LRRC66: variants seen among roughly 807,000 people sequenced by gnomAD.
The protein encoded by LRRC66 is leucine-rich repeat-containing protein 66.
A neutral mutation model predicts 24.6 loss-of-function variants in LRRC66; 29 were observed. The observed-to-expected ratio is 1.18, with a 90% CI of 0.88 to 1.61. LRRC66 has a LOEUF of 1.61. Among genes scored for constraint, LRRC66 ranks in the 40% most tolerant of loss-of-function variants. The pLI is 0.00. For synonymous variants in LRRC66, 411 were observed against 397.6 expected, an observed-to-expected ratio of 1.03 and a Z score of -0.40; for missense variants, 1,124 against 1,058.0, an observed-to-expected ratio of 1.06 and a Z score of -0.87.
At position 51,995,342 on chromosome 4, in the gene LRRC66, G is replaced by A; in HGVS notation, c.1680C>T (p.Gly560=). The A allele has an allele frequency of 6.2e-7, 1 of 1,614,196 alleles. No homozygotes were observed. The highest frequency in any genetic ancestry group is 1.3e-5 in the African/African-American group (1 of 75,040). Residue 560 remains glycine, a synonymous_variant, in exon 5 of 5, where the codon GGC becomes GGT. Transcript: ENST00000682860. ...AHSVGVSSVA[G]TSHAVSGSSR... The stretch of plus-strand genomic sequence containing the variant: ...TTGAGCCAGAGACAGCGTGAGACGT[G>A]CCAGCTACAGAAGAGACGCCCACTG...
intron 2 of LRRC66, among the ~76,000 whole-genome samples, chr4:52,008,621 A>T (rs916536676): frequency 6.6e-6 from 1 of 152,220 alleles, no homozygotes; most frequent in African/African-American, 2.4e-5. Context: ...TAATGGAGCA[A>T]CATTTAAACA....
intron 2 of LRRC66, among the ~76,000 whole-genome samples, chr4:52,009,143 T>A (rs996020896): frequency 2.6e-5 from 4 of 152,098 alleles, no homozygotes; most frequent in Non-Finnish European, 5.9e-5. Context: ...CACTTCTAAA[T>A]AACCCATGGG....
intron 3 of LRRC66, among the ~76,000 whole-genome samples, chr4:51,998,979 T>C (rs1268711792): frequency 6.6e-6 from 1 of 152,110 alleles, no homozygotes; most frequent in Non-Finnish European, 1.5e-5. Flanking sequence ...AAGGAAGGAA[T>C]TAATGAAATG....
In LRRC66 at chr4:51,994,343, G is replaced by C. The variant is rs760081149; in HGVS notation, c.*36C>G. ...CTGCCATGATCTTTAAAAGAATATT[G>C]TTTAGAGCTGTGAATATTTCCTTAA... On this transcript the variant is annotated 3_prime_UTR_variant, in exon 5 of 5. Transcript: ENST00000682860. 50 of 1,545,482 alleles carry C rather than the reference G, an allele frequency of 3.2e-5. No individual in the cohort carries two copies. Among genetic ancestry groups the C allele is most frequent in the Non-Finnish European group, 4.3e-5 (49 of 1,137,624 alleles).
At chr4:52,001,690 G>A (rs1159723407) in intron 3 of LRRC66, among the ~76,000 whole-genome samples, 10 of 152,208 alleles carry the variant, frequency 6.6e-5, no homozygotes, top group Admixed American at 6.5e-4. Flanking sequence ...CTGGAAAGTG[G>A]CCGAGGCTAG....
At chr4:52,011,379 G>C (rs1477518439) in intron 2 of LRRC66, among the ~76,000 whole-genome samples, 1 of 152,158 alleles carries the variant, frequency 6.6e-6, no homozygotes, top group African/African-American at 2.4e-5. Context: ...TGATAGTGGT[G>C]ATGGTTTCAT....
chr4:52,020,122 T>C (rs1404888128), intron 1 of LRRC66, among the ~76,000 whole-genome samples, 182 bp downstream of exon 1: 1 of 152,022 alleles, frequency 6.6e-6, no homozygotes, highest in Non-Finnish European at 1.5e-5. Flanking sequence ...GGTGTGTACA[T>C]TTGTGAGTCA....
intron 1 of LRRC66, among the ~76,000 whole-genome samples, chr4:52,019,921 C>T (rs532039097): frequency 6.6e-6 from 1 of 152,030 alleles, no homozygotes; most frequent in South Asian, 2.1e-4. Flanking sequence ...GACAAGGAAT[C>T]TTATATCTTA....
chr4:52,011,305 T>C, intron 2 of LRRC66, among the ~76,000 whole-genome samples: 1 of 152,242 alleles, frequency 6.6e-6, no homozygotes, highest in East Asian at 1.9e-4. Flanking sequence ...TCAAATTATG[T>C]AGGTGAGCCA....
rs1366195764 is a variant in LRRC66, at chr4:51,995,029, CTG to C, written c.1991_1992del (p.Thr664ArgfsTer19). 6.2e-7 allele frequency: 1 copy of C among 1,614,022 alleles called. No individual in the cohort carries two copies. Among genetic ancestry groups the C allele is most frequent in the Non-Finnish European group, 8.5e-7 (1 of 1,180,052 alleles). On this transcript the variant is annotated frameshift_variant, in exon 5 of 5. Transcript: ENST00000682860. LOFTEE classifies it low-confidence loss of function (END_TRUNC). ...CATCTTGGAGGAAAGACTGATGGGC[CTG>C]TGTCTCTTGGGTCACCGTATGGAAC... is the stretch of plus-strand genomic sequence containing the variant. ...SEVPYGDPRD[T>X]GPSVFPPRWD...
At chr4:52,000,185 G>A (rs1436628509) in intron 3 of LRRC66, among the ~76,000 whole-genome samples, 1 of 152,180 alleles carries the variant, frequency 6.6e-6, no homozygotes, top group Admixed American at 6.5e-5. Flanking sequence ...GGCAGTTACA[G>A]TGCATTGAGA....
chr4:52,003,480 T>A, intron 2 of LRRC66, 88 bp from the exon 3 acceptor site: 1 of 1,123,464 alleles, frequency 8.9e-7, no homozygotes, highest in Non-Finnish European at 1.3e-6. Context: ...GAGACAACAT[T>A]AAGAGTTCTC....
intron 3 of LRRC66, among the ~76,000 whole-genome samples, chr4:52,002,270 G>A (rs1488884081): frequency 6.6e-6 from 1 of 152,144 alleles, no homozygotes; most frequent in Non-Finnish European, 1.5e-5. Flanking sequence ...TGTAGCTACT[G>A]GAACATCTAA....
rs186762617 is a variant in LRRC66 at position 52,018,565 on chromosome 4, C to T, written c.-5-947G>A. Reference sequence around the variant, plus strand: ...ATACTAAAATGGCTTAACTGACTTTCTTGCCTCTGCCTCTTGACTTTCCTT... The same window carrying T: ...ATACTAAAATGGCTTAACTGACTTTTTTGCCTCTGCCTCTTGACTTTCCTT... On this transcript the variant is annotated intron_variant, in intron 1 of 4. Coordinates refer to ENST00000682860, the MANE Select transcript of LRRC66 (RefSeq NM_001024611.3). 30 of 985,436 alleles carry T rather than the reference C, an allele frequency of 3.0e-5. No individual in the cohort carries two copies. In the African/African-American group the frequency reaches 4.7e-4, roughly 15 times the overall value. 61.0% of individuals were successfully genotyped at this position (985,436 alleles called of 1,614,324 possible).
chr4:52,010,843 G>A (rs577297030), intron 2 of LRRC66, among the ~76,000 whole-genome samples: 26 of 152,162 alleles, frequency 1.7e-4, no homozygotes, highest in African/African-American at 5.1e-4. Flanking sequence ...TTGCTAGGTC[G>A]AATTGTAATT....
chr4:51,995,380 G>C lies in LRRC66; in HGVS notation c.1642C>G (p.Leu548Val). 3.7e-6 allele frequency: 6 copies of C among 1,614,214 alleles called. No individual in the cohort carries two copies. The highest frequency in any genetic ancestry group is 5.1e-6 in the Non-Finnish European group (6 of 1,180,032). ...TYETVAQEEP[L>V]SAHSVGVSSV... ...GAGACGCCCACTGAATGTGCACTGAGAGGCTCTTCCTGGGCCACAGTTTCA... is the reference window on the plus strand; with the variant it reads ...GAGACGCCCACTGAATGTGCACTGACAGGCTCTTCCTGGGCCACAGTTTCA... The change falls in exon 5 of 5, where the codon CTC becomes GTC. Residue 548 changes from leucine (L) to valine (V), a missense_variant. Coordinates refer to ENST00000682860, the MANE Select transcript of LRRC66 (RefSeq NM_001024611.3).
Position 51,994,127 on chromosome 4 carries a change from C to A in LRRC66, c.*252G>T. The A allele has an allele frequency of 4.7e-6, 2 of 425,692 alleles. No homozygotes were observed. The highest frequency in any genetic ancestry group is 8.3e-6 in the Non-Finnish European group (2 of 240,802). 26.4% of individuals were successfully genotyped at this position (425,692 alleles called of 1,614,324 possible). A position where few individuals can be genotyped will look rare whatever the true frequency, so the allele number is the denominator to read the frequency against. On this transcript the variant is annotated 3_prime_UTR_variant, in exon 5 of 5. Transcript: ENST00000682860. ...GTTCTTGGAATGATCTCAAAATATTCCCCTCTTTCTCTTTCACACTGAAGA... is the reference window on the plus strand; with the variant it reads ...GTTCTTGGAATGATCTCAAAATATTACCCTCTTTCTCTTTCACACTGAAGA...
chr4:52,006,277 A>G (rs1008400110), intron 2 of LRRC66, among the ~76,000 whole-genome samples: 2 of 152,264 alleles, frequency 1.3e-5, no homozygotes, highest in African/African-American at 4.8e-5. Context: ...CATCATTCAC[A>G]ATAGCAAAGA....
At chr4:52,012,494 G>A (rs1175587736) in intron 2 of LRRC66, among the ~76,000 whole-genome samples, 2 of 152,066 alleles carry the variant, frequency 1.3e-5, no homozygotes, top group Non-Finnish European at 2.9e-5. Flanking sequence ...CGTCTCTCAG[G>A]ATGGAGTTGG....
Sources: gnomAD v4.1 joint callset for allele counts (sites outside exome capture counted in the v4.1 genomes callset) on GRCh38, gnomAD v4.1.1 for gene constraint, MANE v1.5 for transcripts, NCBI Gene and HGNC (gene_info 2026-07-23, HGNC 2026-07-21) for gene names.